EYA4: variants seen among roughly 807,000 people sequenced by gnomAD.
EYA4 encodes EYA transcriptional coactivator and phosphatase 4, also known as protein phosphatase EYA4.
In EYA4, 31 loss-of-function variants were observed where a neutral mutation model predicts 87.9. The observed-to-expected ratio is 0.35, with a 90% CI of 0.27 to 0.48. The LOEUF (loss-of-function observed/expected upper bound fraction) is 0.48, where lower values mean the gene tolerates loss of function less well. Ranked by LOEUF, EYA4 falls within the 20% of genes least tolerant of loss-of-function variation. The probability of loss-of-function intolerance (pLI) is 0.99; values close to 1 mark genes in which losing one functional copy is unlikely to be tolerated. For synonymous variants in EYA4, 263 were observed against 270.6 expected (o/e 0.97, Z 0.28); for missense variants, 678 against 761.4 (o/e 0.89, Z 1.29).
intron 4 of EYA4, 89 bp downstream of exon 4, chr6:133,446,843 C>G (rs1441970296): frequency 1.7e-6 from 2 of 1,161,516 alleles, no homozygotes; most frequent in Non-Finnish European, 2.6e-6. Context: ...AAATAAATAT[C>G]TTATTATCAA....
At chr6:133,515,490 T>G in intron 17 of EYA4, 55 bp downstream of exon 17, 1 of 1,047,880 alleles carries the variant, frequency 9.5e-7, no homozygotes, top group African/African-American at 1.6e-5. Context: ...TAGTTCTAAT[T>G]GTACAACATA....
chr6:133,417,932 T>A (rs561753021), intron 3 of EYA4, among the ~76,000 whole-genome samples: 1 of 152,328 alleles, frequency 6.6e-6, no homozygotes, highest in African/African-American at 2.4e-5. Context: ...CTGTGGTGAA[T>A]TTTTAAACCT....
At chr6:133,309,554 C>T (rs1459804206) in intron 2 of EYA4, among the ~76,000 whole-genome samples, 1 of 152,204 alleles carries the variant, frequency 6.6e-6, no homozygotes, top group African/African-American at 2.4e-5. Flanking sequence ...TAAGGCAGTA[C>T]TATTCCAAAA....
intron 2 of EYA4, among the ~76,000 whole-genome samples, chr6:133,378,135 C>G (rs1432293170): frequency 6.6e-6 from 1 of 151,938 alleles, no homozygotes; most frequent in Non-Finnish European, 1.5e-5. Flanking sequence ...AATCATACCT[C>G]AATAAAGTGA....
intron 3 of EYA4, among the ~76,000 whole-genome samples, chr6:133,383,549 A>G (rs1786439798): frequency 6.9e-6 from 1 of 145,490 alleles, no homozygotes; most frequent in Non-Finnish European, 1.5e-5. Context: ...AAAAAAATGT[A>G]ATGGCCATTA....
intron 3 of EYA4, among the ~76,000 whole-genome samples, chr6:133,413,032 G>T (rs947883017): frequency 6.6e-6 from 1 of 152,064 alleles, no homozygotes. Flanking sequence ...TTATGGTTGG[G>T]GGCCCAGGAG....
intron 13 of EYA4, among the ~76,000 whole-genome samples, chr6:133,498,936 CCTAA>C (rs755684098): frequency 1.3e-5 from 2 of 152,126 alleles, no homozygotes; most frequent in Non-Finnish European, 2.9e-5. Context: ...CAAATATATT[CCTAA>C]CTTTTATTTA....
rs551417487 is a variant in EYA4, at chr6:133,379,947, T to C, written c.34-2445T>C. On this transcript the variant is annotated intron_variant, in intron 2 of 19. Coordinates refer to ENST00000355286, the MANE Select transcript of EYA4 (RefSeq NM_004100.5). Reference sequence around the variant, plus strand: ...ACCAAAGGTTAAATTCCAAATTCTTTACCGTATATAAGGGCTTCATAATAT... The same window carrying C: ...ACCAAAGGTTAAATTCCAAATTCTTCACCGTATATAAGGGCTTCATAATAT... Among the ~76,000 whole-genome samples the C allele has an allele frequency of 5.3e-5, 8 of 152,308 alleles. No homozygotes were observed. The South Asian group carries it at 1.7e-3, about 32-fold the overall frequency.
At chr6:133,383,321 C>G (rs1485421371) in intron 3 of EYA4, among the ~76,000 whole-genome samples, 1 of 151,922 alleles carries the variant, frequency 6.6e-6, no homozygotes, top group Non-Finnish European at 1.5e-5. Flanking sequence ...TCAAGACCAG[C>G]CTGGCCAATA....
intron 3 of EYA4, among the ~76,000 whole-genome samples, chr6:133,389,184 G>A (rs1787040067): frequency 6.6e-6 from 1 of 152,144 alleles, no homozygotes; most frequent in Non-Finnish European, 1.5e-5. Flanking sequence ...TAGAGACTTA[G>A]AGCTTGATTT....
intron 13 of EYA4, among the ~76,000 whole-genome samples, chr6:133,491,659 G>A (rs1797165171): frequency 1.3e-5 from 2 of 151,980 alleles, no homozygotes; most frequent in Non-Finnish European, 2.9e-5. Flanking sequence ...GCAATAAAAA[G>A]TACCCCAGCA....
chr6:133,483,977 C>T (rs1184760897), intron 13 of EYA4, among the ~76,000 whole-genome samples: 2 of 151,988 alleles, frequency 1.3e-5, no homozygotes, highest in Non-Finnish European at 2.9e-5. Flanking sequence ...GCCTGCCCCT[C>T]GGCCTCCAAA....
At chr6:133,373,640 C>G (rs1785448429) in intron 2 of EYA4, among the ~76,000 whole-genome samples, 1 of 151,952 alleles carries the variant, frequency 6.6e-6, no homozygotes, top group Non-Finnish European at 1.5e-5. Flanking sequence ...GCTCTTTTTG[C>G]TATGCTAATA....
chr6:133,508,410 C>T (rs890513383), intron 14 of EYA4, among the ~76,000 whole-genome samples: 78 of 151,984 alleles, frequency 5.1e-4, no homozygotes, highest in East Asian at 3.9e-4. Flanking sequence ...TTACATACAG[C>T]GATAACTTTT....
chr6:133,492,296 T>A (rs1797238283), intron 13 of EYA4, among the ~76,000 whole-genome samples: 2 of 152,224 alleles, frequency 1.3e-5, no homozygotes. Flanking sequence ...GATGCAAGGA[T>A]GGTTCAACAT....
At chr6:133,271,603 G>A (rs563717869) in intron 1 of EYA4, among the ~76,000 whole-genome samples, 4 of 152,270 alleles carry the variant, frequency 2.6e-5, no homozygotes, top group East Asian at 1.9e-4. Flanking sequence ...TGATCACCCC[G>A]AGGAATGGTG....
At chr6:133,321,546 A>T (rs1195292696) in intron 2 of EYA4, among the ~76,000 whole-genome samples, 2 of 152,230 alleles carry the variant, frequency 1.3e-5, no homozygotes, top group African/African-American at 4.8e-5. Flanking sequence ...GAAGACAAGG[A>T]ACTTTCCCCC....
chr6:133,528,635 G>T, intron 19 of EYA4, 90 bp from the exon 20 acceptor site: 1 of 950,004 alleles, frequency 1.1e-6, no homozygotes, highest in South Asian at 1.3e-5. Context: ...TGTGTGTGCT[G>T]CTGCTTCATT....
intron 1 of EYA4, among the ~76,000 whole-genome samples, chr6:133,245,938 G>C (rs564063646): frequency 6.6e-6 from 1 of 152,192 alleles, no homozygotes; most frequent in African/African-American, 2.4e-5. Context: ...GTCATTCTTA[G>C]TGTTTCTCCA....
Sources: gnomAD v4.1 joint callset for allele counts (sites outside exome capture counted in the v4.1 genomes callset) on GRCh38, gnomAD v4.1.1 for gene constraint, MANE v1.5 for transcripts, NCBI Gene and HGNC (gene_info 2026-07-23, HGNC 2026-07-21) for gene names.